The following OR56A3 variants were observed in gnomAD, a reference collection of about 807,000 sequenced individuals.
The protein encoded by OR56A3 is olfactory receptor 56A3.
In OR56A3, 23 loss-of-function variants were observed where a neutral mutation model predicts 17.5. The observed-to-expected ratio is 1.32, with a 90% CI of 0.95 to 1.87. OR56A3 has a LOEUF of 1.87. Ranked by LOEUF, OR56A3 falls within the 40% of genes most tolerant of loss-of-function variation. The probability of loss-of-function intolerance (pLI) is 0.00; values close to 1 mark genes in which losing one functional copy is unlikely to be tolerated. For missense variants in OR56A3, 366 were observed against 380.1 expected, an observed-to-expected ratio of 0.96 and a Z score of 0.31; for synonymous variants, 175 against 150.6, an observed-to-expected ratio of 1.16 and a Z score of -1.19.
At chr11:5,969,647 AG>A in the OR56A3 span, among the ~76,000 whole-genome samples, 77 of 152,348 alleles carry the variant, frequency 5.1e-4, 1 homozygote, top group Admixed American at 3.2e-3. Context: ...AAAATGTTCA[AG>A]TCTCTCATAT....
At chr11:5,972,892 C>T in the OR56A3 span, among the ~76,000 whole-genome samples, 276 of 152,252 alleles carry the variant, frequency 1.8e-3, no homozygotes, top group African/African-American at 6.4e-3. Context: ...CCACCGTGCC[C>T]GGCAGGGAAC....
the OR56A3 span, chr11:5,994,902 G>A: frequency 1.3e-6 from 1 of 756,460 alleles, no homozygotes; most frequent in African/African-American, 1.7e-5. Flanking sequence ...CAGTCATTCA[G>A]GCTTTGCATG....
At chr11:6,001,382 C>T in the OR56A3 span, 2 of 152,284 alleles carry the variant, frequency 1.3e-5, no homozygotes, top group African/African-American at 4.8e-5. Flanking sequence ...ACCTCATTTA[C>T]AAACCAAAAA....
the OR56A3 span, among the ~76,000 whole-genome samples, chr11:5,991,629 AC>A: frequency 6.6e-6 from 1 of 151,818 alleles, no homozygotes; most frequent in African/African-American, 2.4e-5. Context: ...CTGAGAAATA[AC>A]CCCTGTCACA....
At chr11:5,957,593 T>C in the OR56A3 span, among the ~76,000 whole-genome samples, 4 of 152,222 alleles carry the variant, frequency 2.6e-5, no homozygotes, top group Non-Finnish European at 5.9e-5. Context: ...ATGAGCAATA[T>C]ACCTCTTGCA....
chr11:5,995,024 T>A, the OR56A3 span: 1 of 646,954 alleles, frequency 1.5e-6, no homozygotes, highest in Non-Finnish European at 2.8e-6. Flanking sequence ...AACATGGAGA[T>A]CCGGGAACCT....
the OR56A3 span, among the ~76,000 whole-genome samples, chr11:5,977,957 T>C: frequency 2.0e-5 from 3 of 152,354 alleles, no homozygotes; most frequent in South Asian, 2.1e-4. Context: ...ATTTATCGAA[T>C]AGGGAAACTT....
the OR56A3 span, among the ~76,000 whole-genome samples, chr11:6,018,199 C>G: frequency 6.6e-6 from 1 of 151,998 alleles, no homozygotes; most frequent in East Asian, 1.9e-4. Context: ...GACAGAAAGT[C>G]AACAAAGAAA....
chr11:5,956,723 A>T, the OR56A3 span, among the ~76,000 whole-genome samples: 1 of 152,130 alleles, frequency 6.6e-6, no homozygotes, highest in Non-Finnish European at 1.5e-5. Flanking sequence ...ATAGGTCAAA[A>T]GATACAAAGA....
the OR56A3 span, among the ~76,000 whole-genome samples, chr11:5,973,085 CTG>C: frequency 1.3e-5 from 2 of 152,122 alleles, no homozygotes; most frequent in African/African-American, 4.8e-5. Flanking sequence ...TTTATAGTAA[CTG>C]AAATTCAACT....
the OR56A3 span, among the ~76,000 whole-genome samples, chr11:5,973,419 C>G: frequency 6.6e-6 from 1 of 152,120 alleles, no homozygotes; most frequent in Non-Finnish European, 1.5e-5. Flanking sequence ...ATGTCTAGTA[C>G]AGTGTTTACA....
At chr11:6,011,204 T>TATACATATATATATATATATATATA in the OR56A3 span, among the ~76,000 whole-genome samples, 441 of 122,458 alleles carry the variant, frequency 3.6e-3, 7 homozygotes, top group Non-Finnish European at 6.1e-3. Flanking sequence ...GAGATTTATT[T>TATACATATATATATATATATATATA]TATATATATA....
At chr11:6,009,104 T>A in the OR56A3 span, among the ~76,000 whole-genome samples, 3 of 152,114 alleles carry the variant, frequency 2.0e-5, no homozygotes, top group African/African-American at 7.2e-5. Context: ...GGAAACAGGG[T>A]CTTTGCAGAT....
At chr11:5,983,876 C>CTT in the OR56A3 span, among the ~76,000 whole-genome samples, 1 of 152,026 alleles carries the variant, frequency 6.6e-6, no homozygotes, top group East Asian at 1.9e-4. Flanking sequence ...TAAACACTCT[C>CTT]TTTTTTTGTA....
the OR56A3 span, among the ~76,000 whole-genome samples, chr11:5,980,389 T>C: frequency 1.3e-5 from 2 of 151,190 alleles, no homozygotes; most frequent in Non-Finnish European, 3.0e-5. Context: ...ATATTTAGGA[T>C]AGTTGAGTCT....
Position 5,945,052 on chromosome 11 carries a change from A to C in OR56A3, c.-67A>C, listed in dbSNP as rs1320174173. 6.6e-6 allele frequency: 1 copy of C among 152,206 alleles called. No individual in the cohort carries two copies. Among genetic ancestry groups the C allele is most frequent in the African/African-American group, 2.4e-5 (1 of 41,446 alleles). The allele number at this position is 152,206 out of a possible 1,614,324, so 9.4% of individuals were successfully genotyped here. A position where few individuals can be genotyped will look rare whatever the true frequency, so the allele number is the denominator to read the frequency against. On this transcript the variant is annotated 5_prime_UTR_variant, in exon 2 of 3. Coordinates refer to ENST00000641160, the MANE Select transcript of OR56A3 (RefSeq NM_001003443.3). ...TGGGGAATAGGAAAGACAACTGAAAACAAAAAGCCTACCTGAACCTCTTCC... is the reference window on the plus strand; with the variant it reads ...TGGGGAATAGGAAAGACAACTGAAACCAAAAAGCCTACCTGAACCTCTTCC...
chr11:5,988,003 A>G, the OR56A3 span, among the ~76,000 whole-genome samples: 1 of 152,198 alleles, frequency 6.6e-6, no homozygotes, highest in Admixed American at 6.5e-5. Context: ...AAGATTATCA[A>G]AAGTTATCTT....
the OR56A3 span, among the ~76,000 whole-genome samples, chr11:6,013,157 C>A: frequency 6.6e-6 from 1 of 152,232 alleles, no homozygotes; most frequent in African/African-American, 2.4e-5. Context: ...GCAGCCATGC[C>A]TGGGAGGGTG....
At chr11:6,001,561 C>G in the OR56A3 span, 39,020 of 153,084 alleles carry the variant, frequency 0.25, 5,334 homozygotes, top group South Asian at 0.48. Context: ...GCAAGGCACT[C>G]AACCCCAAGT....
Sources: gnomAD v4.1 joint callset for allele counts (sites outside exome capture counted in the v4.1 genomes callset) on GRCh38, gnomAD v4.1.1 for gene constraint, MANE v1.5 for transcripts, NCBI Gene and HGNC (gene_info 2026-07-23, HGNC 2026-07-21) for gene names.